The following CERS6 variants were observed in gnomAD, a reference collection of about 807,000 sequenced individuals.
The protein encoded by CERS6 is LAG1 homolog, ceramide synthase 6.
Under a neutral mutation model 56.8 loss-of-function variants are expected in CERS6, and 26 were observed. The ratio of observed to expected loss-of-function variants is 0.46; its 90% CI spans 0.34 to 0.63. CERS6 has a LOEUF of 0.63. Ranked by LOEUF, CERS6 falls within the 30% of genes least tolerant of loss-of-function variation. The pLI is 0.01. For synonymous variants in CERS6, 164 were observed against 173.3 expected, an observed-to-expected ratio of 0.95 and a Z score of 0.42; for missense variants, 415 against 467.5, an observed-to-expected ratio of 0.89 and a Z score of 1.04.
chr2:168,601,283 C>T (rs1683926338), intron 3 of CERS6, among the ~76,000 whole-genome samples: 1 of 152,134 alleles, frequency 6.6e-6, no homozygotes, highest in Non-Finnish European at 1.5e-5. Context: ...CAATTTTGAA[C>T]CTATCCCTGT....
chr2:168,660,382 C>T lies in CERS6; in HGVS notation c.465+29340C>T, dbSNP rs367634587. ...TCACCTAATGAGGCATTGTTTTTTCCTGCTTTCTAACAGTCTCTCTTTGTT... is the reference window on the plus strand; with the variant it reads ...TCACCTAATGAGGCATTGTTTTTTCTTGCTTTCTAACAGTCTCTCTTTGTT... On this transcript the variant is annotated intron_variant, in intron 4 of 9. Coordinates refer to ENST00000305747, the MANE Select transcript of CERS6 (RefSeq NM_203463.3). Among the ~76,000 whole-genome samples the T allele has an allele frequency of 9.6e-4, 146 of 152,206 alleles. No homozygotes were observed. The Middle Eastern group carries it at 0.01, about 11-fold the overall frequency.
intron 8 of CERS6, among the ~76,000 whole-genome samples, chr2:168,743,283 T>C (rs1486003807): frequency 2.0e-5 from 3 of 151,904 alleles, no homozygotes; most frequent in East Asian, 3.9e-4. Context: ...CACACACACC[T>C]GATAGAAGAG....
intron 3 of CERS6, among the ~76,000 whole-genome samples, chr2:168,565,861 A>T (rs995546968): frequency 6.6e-6 from 1 of 152,214 alleles, no homozygotes; most frequent in African/African-American, 2.4e-5. Context: ...AGAATTTATA[A>T]AAATGAGATG....
intron 3 of CERS6, among the ~76,000 whole-genome samples, chr2:168,612,512 C>T: frequency 6.6e-6 from 1 of 152,162 alleles, no homozygotes; most frequent in Admixed American, 6.5e-5. Context: ...GTTTAATTCA[C>T]ATATGGTGAA....
intron 8 of CERS6, among the ~76,000 whole-genome samples, chr2:168,755,877 A>G (rs1440248956): frequency 6.6e-6 from 1 of 152,246 alleles, no homozygotes; most frequent in Non-Finnish European, 1.5e-5. Flanking sequence ...CTTTGAAGCT[A>G]AAACAATCTC....
intron 1 of CERS6, among the ~76,000 whole-genome samples, chr2:168,536,829 G>C (rs1276939751): frequency 6.6e-6 from 1 of 152,072 alleles, no homozygotes; most frequent in Non-Finnish European, 1.5e-5. Flanking sequence ...CATTCCTTGC[G>C]ATTTTTAATA....
intron 3 of CERS6, among the ~76,000 whole-genome samples, chr2:168,581,327 A>G (rs1038484191): frequency 2.6e-5 from 4 of 152,174 alleles, no homozygotes; most frequent in Non-Finnish European, 4.4e-5. Flanking sequence ...CCCAATTGCT[A>G]TCTTTATCAG....
At chr2:168,744,695 A>G (rs1380770950) in intron 8 of CERS6, among the ~76,000 whole-genome samples, 2 of 152,224 alleles carry the variant, frequency 1.3e-5, no homozygotes, top group African/African-American at 4.8e-5. Context: ...TTTGCCTGAT[A>G]AATATCATTC....
chr2:168,713,730 T>C (rs1305311807), intron 6 of CERS6, among the ~76,000 whole-genome samples: 1 of 152,148 alleles, frequency 6.6e-6, no homozygotes, highest in Non-Finnish European at 1.5e-5. Context: ...GCAGTATACC[T>C]AAGTAACAAG....
intron 8 of CERS6, among the ~76,000 whole-genome samples, chr2:168,756,889 C>T (rs1011974528): frequency 2.0e-5 from 3 of 151,870 alleles, no homozygotes; most frequent in East Asian, 1.9e-4. Flanking sequence ...TAACAGGACA[C>T]ACTGTGGAAA....
chr2:168,479,211 C>T (rs574902550), intron 1 of CERS6, among the ~76,000 whole-genome samples: 42 of 152,090 alleles, frequency 2.8e-4, no homozygotes, highest in Non-Finnish European at 5.4e-4. Flanking sequence ...TTTTTAGAGA[C>T]AGAGTTTAAA....
At chr2:168,713,758 CT>C (rs775905783) in intron 6 of CERS6, among the ~76,000 whole-genome samples, 14 of 152,112 alleles carry the variant, frequency 9.2e-5, no homozygotes, top group Non-Finnish European at 1.9e-4. Flanking sequence ...ATGTACCCCC[CT>C]GAATCTAACA....
chr2:168,766,650 T>C (rs1218981896), intron 9 of CERS6, among the ~76,000 whole-genome samples: 1 of 152,204 alleles, frequency 6.6e-6, no homozygotes, highest in Non-Finnish European at 1.5e-5. Flanking sequence ...CCAGGTTTAA[T>C]GTGTTGGCTA....
intron 2 of CERS6, among the ~76,000 whole-genome samples, chr2:168,553,708 G>A (rs964695718): frequency 1.3e-5 from 2 of 152,140 alleles, no homozygotes; most frequent in African/African-American, 2.4e-5. Flanking sequence ...AATTTTAGCT[G>A]ACCAAGAGAT....
At chr2:168,600,705 A>G (rs936469010) in intron 3 of CERS6, among the ~76,000 whole-genome samples, 1 of 152,096 alleles carries the variant, frequency 6.6e-6, no homozygotes, top group Non-Finnish European at 1.5e-5. Context: ...TATTTATTCC[A>G]TCTCATTTCT....
Position 168,547,602 on chromosome 2 carries a change from A to T in CERS6, c.177A>T (p.Val59=). The change falls in exon 2 of 10, where the codon GTA becomes GTT. Residue 59 remains valine (V), a synonymous_variant. Transcript: ENST00000305747. ...FMVRLIFERF[V]AKPCAIALNI... is the part of the protein sequence containing the mutation. The stretch of plus-strand genomic sequence containing the variant: ...TTCTTTTTGTAATTTTTAGATTTGT[A>T]GCCAAACCGTGCGCCATAGCCCTCA... 6.2e-7 allele frequency: 1 copy of T among 1,611,540 alleles called. No individual in the cohort carries two copies. Among genetic ancestry groups the T allele is most frequent in the Non-Finnish European group, 8.5e-7 (1 of 1,177,664 alleles).
chr2:168,761,056 C>T (rs1289241005), intron 8 of CERS6, among the ~76,000 whole-genome samples: 5 of 152,238 alleles, frequency 3.3e-5, no homozygotes, highest in African/African-American at 9.6e-5. Context: ...CGCGCCCGGC[C>T]GGGTTTACTG....
At chr2:168,619,440 C>A (rs1684407416) in intron 3 of CERS6, among the ~76,000 whole-genome samples, 1 of 152,004 alleles carries the variant, frequency 6.6e-6, no homozygotes, top group South Asian at 2.1e-4. Context: ...GGGAGAAAAT[C>A]TTCGCAATCT....
intron 4 of CERS6, among the ~76,000 whole-genome samples, chr2:168,680,620 A>G (rs1208194153): frequency 6.9e-6 from 1 of 145,006 alleles, no homozygotes; most frequent in African/African-American, 2.5e-5. Context: ...GTGTTGCCAC[A>G]TGATATTAAG....
Sources: gnomAD v4.1 joint callset for allele counts (sites outside exome capture counted in the v4.1 genomes callset) on GRCh38, gnomAD v4.1.1 for gene constraint, MANE v1.5 for transcripts, NCBI Gene and HGNC (gene_info 2026-07-23, HGNC 2026-07-21) for gene names.